SGK3: variants seen among roughly 807,000 people sequenced by gnomAD.
The protein encoded by SGK3 is serine/threonine-protein kinase Sgk3.
In SGK3, 47 loss-of-function variants were observed where a neutral mutation model predicts 68.5. The observed-to-expected ratio is 0.69, with a 90% CI of 0.54 to 0.87. The LOEUF is 0.87. SGK3 is among the 40% of genes least tolerant of loss of function. The probability of loss-of-function intolerance (pLI) is 0.00; values close to 1 mark genes in which losing one functional copy is unlikely to be tolerated. For synonymous variants in SGK3, 181 were observed against 189.1 expected, an observed-to-expected ratio of 0.96 and a Z score of 0.35; for missense variants, 479 against 575.5, an observed-to-expected ratio of 0.83 and a Z score of 1.72.
At chr8:66,848,659 T>C (rs1001222740) in intron 15 of SGK3, among the ~76,000 whole-genome samples, 30 of 152,332 alleles carry the variant, frequency 2.0e-4, no homozygotes, top group African/African-American at 7.0e-4. Flanking sequence ...CCTGTCCATG[T>C]TTGTTTGTTT....
At chr8:66,845,693 CTTATTTAT>C (rs59371496) in intron 14 of SGK3, among the ~76,000 whole-genome samples, 4,811 of 139,794 alleles carry the variant, frequency 0.034, 111 homozygotes, top group South Asian at 0.055. Flanking sequence ...ACCTAGCTTG[CTTATTTAT>C]TTATTTATTT....
rs111758415 is a variant in SGK3 at position 66,857,799 on chromosome 8, A to ATGTGTGTGTG, written c.1321-1578_1321-1569dup. Among the ~76,000 whole-genome samples, 622 of 133,810 alleles carry ATGTGTGTGTG rather than the reference A, an allele frequency of 4.6e-3. 5 individuals carry two copies. The highest frequency in any genetic ancestry group is 0.014 in the Middle Eastern group (4 of 282). 87.8% of individuals were successfully genotyped at this position (133,810 alleles called of 152,430 possible). A position where few individuals can be genotyped will look rare whatever the true frequency, so the allele number is the denominator to read the frequency against. Reference sequence around the variant, plus strand: ...CCCTGTCTCAAAAAAGTGTGTGTGTATGTGTGTGTGTGTGTGTGTGTGTGT... The same window carrying ATGTGTGTGTG: ...CCCTGTCTCAAAAAAGTGTGTGTGTATGTGTGTGTGTGTGTGTGTGTGTGTGTGTGTGTGT... On this transcript the variant is annotated intron_variant, in intron 16 of 16. Transcript: ENST00000521198.
At chr8:66,856,972 A>T (rs190927191) in intron 16 of SGK3, among the ~76,000 whole-genome samples, 1 of 152,226 alleles carries the variant, frequency 6.6e-6, no homozygotes. Context: ...ACATATCTGT[A>T]GTCCCAGCTA....
intron 1 of SGK3, among the ~76,000 whole-genome samples, chr8:66,755,274 C>T (rs1279904407): frequency 2.2e-5 from 3 of 139,064 alleles, no homozygotes; most frequent in African/African-American, 5.7e-5. Flanking sequence ...AAAAAAAAAA[C>T]GAAAAACAGC....
chr8:66,823,550 A>G (rs1225634742), intron 6 of SGK3, among the ~76,000 whole-genome samples: 1 of 151,992 alleles, frequency 6.6e-6, no homozygotes, highest in African/African-American at 2.4e-5. Flanking sequence ...GGTGCCTGCC[A>G]CCACGCCCGG....
intron 1 of SGK3, among the ~76,000 whole-genome samples, chr8:66,724,889 C>T (rs1164176529): frequency 1.3e-5 from 2 of 151,954 alleles, no homozygotes; most frequent in Admixed American, 6.6e-5. Context: ...GTCAGAGGTT[C>T]GAGTCCAGCC....
intron 1 of SGK3, among the ~76,000 whole-genome samples, chr8:66,782,466 A>G (rs1279669888): frequency 6.6e-6 from 1 of 152,144 alleles, no homozygotes; most frequent in Non-Finnish European, 1.5e-5. Flanking sequence ...ACAATCGGTG[A>G]ACCTATGTTA....
chr8:66,821,686 T>TTTC (rs1808833466), intron 5 of SGK3, among the ~76,000 whole-genome samples: 1 of 147,364 alleles, frequency 6.8e-6, no homozygotes, highest in African/African-American at 2.5e-5. Flanking sequence ...CTATTTTTTT[T>TTTC]TTTTTTTTTT....
In SGK3 at chr8:66,847,280, G is replaced by A. The variant is rs1810072773; in HGVS notation, c.1162G>A (p.Ala388Thr). The A allele has an allele frequency of 6.2e-7, 1 of 1,613,840 alleles. No individual in the cohort carries two copies. The highest frequency in any genetic ancestry group is 8.5e-7 in the Non-Finnish European group (1 of 1,180,002). ...TTTGAGGCCAGGAGTGAGTCTTACA[G>A]CCTGGTCCATTCTGGAAGAACTCCT... Reference protein sequence around the residue: ...LSLRPGVSLTAWSILEELLEK... With the variant: ...LSLRPGVSLTTWSILEELLEK... The change falls in exon 15 of 17, where the codon GCC (alanine) becomes ACC (threonine). Residue 388 changes from alanine to threonine, a missense_variant. Ala to Thr is a moderately conservative substitution (Grantham distance 58). Coordinates refer to ENST00000521198, the MANE Select transcript of SGK3 (RefSeq NM_001033578.3).
chr8:66,762,336 T>C (rs1043748282), intron 1 of SGK3, among the ~76,000 whole-genome samples: 3 of 152,084 alleles, frequency 2.0e-5, no homozygotes, highest in Admixed American at 2.0e-4. Context: ...CAAACCAACA[T>C]GGTGAAATCC....
chr8:66,802,629 A>C (rs2130606475), intron 3 of SGK3, among the ~76,000 whole-genome samples: 1 of 147,450 alleles, frequency 6.8e-6, no homozygotes, highest in South Asian at 2.3e-4. Context: ...TCAGCACTGC[A>C]TTCCAGCCTG....
chr8:66,844,241 A>G (rs939745723), intron 14 of SGK3, among the ~76,000 whole-genome samples: 2 of 152,300 alleles, frequency 1.3e-5, no homozygotes, highest in Non-Finnish European at 1.5e-5. Context: ...ACTGTATTTC[A>G]GAAGATCTTT....
chr8:66,790,266 G>A (rs1025749571), intron 1 of SGK3, among the ~76,000 whole-genome samples: 1 of 152,138 alleles, frequency 6.6e-6, no homozygotes, highest in Non-Finnish European at 1.5e-5. Flanking sequence ...GGGTCTTTTG[G>A]GTTATGAGAC....
intron 16 of SGK3, among the ~76,000 whole-genome samples, chr8:66,853,291 T>C (rs1810368084): frequency 6.6e-6 from 1 of 152,194 alleles, no homozygotes; most frequent in Non-Finnish European, 1.5e-5. Context: ...ATTCTATGTT[T>C]AGTGCATATT....
Position 66,804,335 on chromosome 8 carries a change from AT to A in SGK3, c.181-39del, listed in dbSNP as rs750206123. The A allele has an allele frequency of 2.2e-5, 34 of 1,549,768 alleles. No individual in the cohort carries two copies. In the African/African-American group the frequency reaches 3.9e-4, roughly 18 times the overall value. On this transcript the variant is annotated intron_variant, in intron 3 of 16. Transcript: ENST00000521198. ...TGATGTGTGCATAACTAGAAGACTT[AT>A]AAAATTAGTTCATATAATGTTATTT... is the stretch of plus-strand genomic sequence containing the variant.
At chr8:66,760,215 A>G (rs1806114634) in intron 1 of SGK3, among the ~76,000 whole-genome samples, 1 of 152,152 alleles carries the variant, frequency 6.6e-6, no homozygotes, top group Non-Finnish European at 1.5e-5. Context: ...GGTGGCAGAA[A>G]CTAATTTTCC....
At chr8:66,780,394 A>G (rs1055011234) in intron 1 of SGK3, among the ~76,000 whole-genome samples, 5 of 152,226 alleles carry the variant, frequency 3.3e-5, no homozygotes, top group African/African-American at 1.2e-4. Flanking sequence ...GAGGCTCTCA[A>G]TAAGCAAGCA....
At chr8:66,766,022 CAA>C (rs111349387) in intron 1 of SGK3, among the ~76,000 whole-genome samples, 144 of 123,938 alleles carry the variant, frequency 1.2e-3, no homozygotes, top group African/African-American at 2.5e-3. Context: ...AATACTCCGT[CAA>C]AAAAAAAAAA....
chr8:66,792,107 A>G (rs1807484013), intron 1 of SGK3, among the ~76,000 whole-genome samples: 1 of 152,130 alleles, frequency 6.6e-6, no homozygotes, highest in African/African-American at 2.4e-5. Context: ...AGGCAGGTGG[A>G]TCACCTAAGG....
Sources: gnomAD v4.1 joint callset for allele counts (sites outside exome capture counted in the v4.1 genomes callset) on GRCh38, gnomAD v4.1.1 for gene constraint, MANE v1.5 for transcripts, NCBI Gene and HGNC (gene_info 2026-07-23, HGNC 2026-07-21) for gene names.